PVALEF: variants seen among roughly 807,000 people sequenced by gnomAD.
PVALEF encodes parvalbumin-like EF-hand-containing protein.
PVALEF carries 2 observed loss-of-function variants against 1.2 expected under a neutral mutation model. The ratio of observed to expected loss-of-function variants is 1.68; its 90% CI spans 0.69 to 5.28. The LOEUF (loss-of-function observed/expected upper bound fraction) is 5.28. Ranked by LOEUF, PVALEF falls within the 30% of genes most tolerant of loss-of-function variation. The pLI is 0.06. For synonymous variants in PVALEF, 16 were observed against 6.5 expected (o/e 2.47, Z -2.24); for missense variants, 35 against 17.7 (o/e 1.97, Z -1.75).
Position 81,169,951 on chromosome 17 carries a change from C to T in PVALEF, c.-340+3107C>T, listed in dbSNP as rs62641971. ...ATGTGTGTCTGCATATGTGTAGGCA[C>T]GTGTGTCGGTGTTGGTATGTGTACA... is the stretch of plus-strand genomic sequence containing the variant. On this transcript the variant is annotated intron_variant, in intron 2 of 6. Transcript: ENST00000637878. Among the ~76,000 whole-genome samples the T allele has an allele frequency of 2.5e-3, 370 of 145,690 alleles. 2 individuals carry two copies. The highest frequency in any genetic ancestry group is 4.7e-3 in the Non-Finnish European group (311 of 66,284).
chr17:81,181,315 C>T lies in PVALEF; in HGVS notation c.89C>T (p.Thr30Ile), dbSNP rs556479179. The change falls in exon 4 of 7, where the codon ACA becomes ATA. Residue 30 changes from threonine (T) to isoleucine (I), a missense_variant. Physicochemically the swap from Thr to Ile is moderately conservative, Grantham distance 89. Coordinates refer to ENST00000637878, the MANE Select transcript of PVALEF (RefSeq NM_001354639.2). Reference sequence around the variant, plus strand: ...GACAAGGACATTGAGCTGCTGCCCACAGACATGAGACACCACGGTACAGCA... The same window carrying T: ...GACAAGGACATTGAGCTGCTGCCCATAGACATGAGACACCACGGTACAGCA... ...LSDKDIELLP[T>I]DMRHHGSFNY... is the part of the protein sequence containing the mutation. 2.5e-4 allele frequency: 176 copies of T among 691,460 alleles called. 1 individual carries two copies. Among genetic ancestry groups the T allele is most frequent in the South Asian group, 2.4e-3 (156 of 64,976 alleles). 42.8% of individuals were successfully genotyped at this position (691,460 alleles called of 1,614,324 possible). A position where few individuals can be genotyped will look rare whatever the true frequency, so the allele number is the denominator to read the frequency against.
At chr17:81,180,411 G>A (rs554630170) in intron 3 of PVALEF, among the ~76,000 whole-genome samples, 3 of 152,154 alleles carry the variant, frequency 2.0e-5, no homozygotes, top group Non-Finnish European at 1.5e-5. Context: ...GTGGGGCGGG[G>A]CCTGTCCTGA....
At chr17:81,169,816 G>A (rs2061512324) in intron 2 of PVALEF, among the ~76,000 whole-genome samples, 1 of 150,162 alleles carries the variant, frequency 6.7e-6, no homozygotes, top group Non-Finnish European at 1.5e-5. Context: ...ATGTATATGT[G>A]TGTCTGTGTG....
chr17:81,181,365 G>C, intron 4 of PVALEF, 33 bp downstream of exon 4: 3 of 627,764 alleles, frequency 4.8e-6, no homozygotes, highest in Admixed American at 2.4e-5. Flanking sequence ...GCGGCCCCCC[G>C]CCCGTCCAGC....
intron 2 of PVALEF, among the ~76,000 whole-genome samples, chr17:81,172,833 T>G (rs2061525258): frequency 6.6e-6 from 1 of 151,934 alleles, no homozygotes. Flanking sequence ...CGGAGTCATC[T>G]CCCATCGTAA....
At chr17:81,167,288 C>T (rs2061500684) in intron 2 of PVALEF, among the ~76,000 whole-genome samples, 1 of 75,520 alleles carries the variant, frequency 1.3e-5, no homozygotes, top group Non-Finnish European at 3.9e-5. Flanking sequence ...AAGATCTTGT[C>T]TCAAAAAAAG....
At chr17:81,166,180 TCCGC>T (rs2061488862) in intron 1 of PVALEF, 2 of 174,046 alleles carry the variant, frequency 1.1e-5, no homozygotes, top group African/African-American at 5.2e-5. Flanking sequence ...GACGAGGCGC[TCCGC>T]CCGGCCCTGG....
chr17:81,170,510 G>A (rs566820128), intron 2 of PVALEF, among the ~76,000 whole-genome samples: 3 of 152,050 alleles, frequency 2.0e-5, no homozygotes, highest in Non-Finnish European at 4.4e-5. Context: ...ATCAGGGTCA[G>A]GACTTGAACA....
chr17:81,177,240 CAAAAAA>C (rs1163157496), intron 2 of PVALEF, among the ~76,000 whole-genome samples: 125 of 74,024 alleles, frequency 1.7e-3, no homozygotes, highest in African/African-American at 5.1e-3. Flanking sequence ...AACTCCATCT[CAAAAAA>C]AAAAAAAAAA....
intron 2 of PVALEF, 116 bp downstream of exon 2, chr17:81,166,960 G>T: frequency 3.2e-6 from 1 of 315,624 alleles, no homozygotes; most frequent in Non-Finnish European, 6.4e-6. Context: ...GGCGGGGCAG[G>T]GTCCCCCCAG....
intron 4 of PVALEF, 109 bp downstream of exon 4, chr17:81,181,441 G>A (rs1029323777): frequency 7.7e-6 from 4 of 521,196 alleles, no homozygotes; most frequent in Non-Finnish European, 1.3e-5. Context: ...CAGGACCTGC[G>A]GCGGGCGGGG....
intron 1 of PVALEF, 121 bp downstream of exon 1, chr17:81,165,868 G>T (rs2061483064): frequency 6.5e-7 from 1 of 1,535,918 alleles, no homozygotes; most frequent in Admixed American, 2.1e-5. Flanking sequence ...CGGGAGCCGT[G>T]GGGCCCAGGG....
intron 4 of PVALEF, 112 bp downstream of exon 4, chr17:81,181,444 G>A (rs955208942): frequency 4.4e-5 from 23 of 519,706 alleles, no homozygotes; most frequent in African/African-American, 5.9e-5. Flanking sequence ...GACCTGCGGC[G>A]GGCGGGGACA....
rs559134196 is a variant in PVALEF, at chr17:81,170,229, GTA to G, written c.-340+3387_-340+3388del. 2.3e-4 allele frequency among the ~76,000 whole-genome samples: 35 copies of G among 151,862 alleles called. 1 individual carries two copies. The highest frequency in any genetic ancestry group is 6.8e-4 in the African/African-American group (28 of 41,394). ...TGTAGGTGTGTTGGTATGTGTGCAT[GTA>G]TGTGTACACAGGTGTGTGTGCATGT... is the stretch of plus-strand genomic sequence containing the variant. On this transcript the variant is annotated intron_variant, in intron 2 of 6. Transcript: ENST00000637878.
rs1235512733 is a variant in PVALEF, at chr17:81,181,349, C to T, written c.106+17C>T. 3 of 633,708 alleles carry T rather than the reference C, an allele frequency of 4.7e-6. No homozygotes were observed. Among genetic ancestry groups the T allele is most frequent in the Non-Finnish European group, 8.6e-6 (3 of 349,802 alleles). The allele number at this position is 633,708 out of a possible 1,614,324, so 39.3% of individuals were successfully genotyped here. A position where few individuals can be genotyped will look rare whatever the true frequency, so the allele number is the denominator to read the frequency against. ...GACACCACGGTACAGCATGCCCCCG[C>T]CCGGCGCGGCCCCCCGCCCGTCCAG... On this transcript the variant is annotated intron_variant, in intron 4 of 6. Coordinates refer to ENST00000637878, the MANE Select transcript of PVALEF (RefSeq NM_001354639.2).
At chr17:81,170,062 GTGTGTATGTGTGTGCATA>G (rs2061514458) in intron 2 of PVALEF, among the ~76,000 whole-genome samples, 2 of 151,100 alleles carry the variant, frequency 1.3e-5, no homozygotes, top group South Asian at 4.2e-4. Flanking sequence ...ATGTGTGTTG[GTGTGTATGTGTGTGCATA>G]TGTGTAGGTG....
intron 2 of PVALEF, among the ~76,000 whole-genome samples, chr17:81,172,308 A>C (rs1036845360): frequency 6.6e-6 from 1 of 152,252 alleles, no homozygotes; most frequent in African/African-American, 2.4e-5. Context: ...AACCCCACAC[A>C]GAAGAATATG....
intron 6 of PVALEF, among the ~76,000 whole-genome samples, chr17:81,182,532 C>G (rs1433886054): frequency 4.6e-5 from 7 of 152,346 alleles, no homozygotes; most frequent in Non-Finnish European, 7.4e-5. Flanking sequence ...CCCCAGCAAA[C>G]CTGGCTTGTG....
At chr17:81,170,173 G>A (rs902428573) in intron 2 of PVALEF, among the ~76,000 whole-genome samples, 6 of 151,292 alleles carry the variant, frequency 4.0e-5, no homozygotes, top group African/African-American at 1.2e-4. Flanking sequence ...GTGTGCATGT[G>A]TAGGTGTGTG....
Sources: gnomAD v4.1 joint callset for allele counts (sites outside exome capture counted in the v4.1 genomes callset) on GRCh38, gnomAD v4.1.1 for gene constraint, MANE v1.5 for transcripts, NCBI Gene and HGNC (gene_info 2026-07-23, HGNC 2026-07-21) for gene names.